ABCA13: variants seen among roughly 807,000 people sequenced by gnomAD.
The protein encoded by ABCA13 is ATP binding cassette subfamily A member 13.
A neutral mutation model predicts 478.7 loss-of-function variants in ABCA13; 476 were observed. That is an observed-to-expected ratio of 0.99 (90% CI 0.92 to 1.07). The LOEUF (loss-of-function observed/expected upper bound fraction) is 1.07, where lower values mean the gene tolerates loss of function less well. Ranked by LOEUF, ABCA13 falls within the 50% of genes least tolerant of loss-of-function variation. ABCA13 has a pLI of 0.00. For synonymous variants in ABCA13, 2,252 were observed against 2,158.9 expected (o/e 1.04, Z -1.20); for missense variants, 6,060 against 5,910.6 (o/e 1.03, Z -0.83).
chr7:48,239,991 T>G (rs780894303), intron 9 of ABCA13, among the ~76,000 whole-genome samples: 6 of 152,234 alleles, frequency 3.9e-5, no homozygotes, highest in African/African-American at 1.4e-4. Flanking sequence ...TTTGCGCTTC[T>G]TGGGGAGGTT....
intron 35 of ABCA13, among the ~76,000 whole-genome samples, chr7:48,385,289 C>G (rs1045915214): frequency 6.6e-6 from 1 of 152,152 alleles, no homozygotes; most frequent in African/African-American, 2.4e-5. Flanking sequence ...CCTCTCCCTT[C>G]TCTCACCCTT....
chr7:48,637,395 A>C (rs932405359), intron 59 of ABCA13, among the ~76,000 whole-genome samples: 5 of 148,382 alleles, frequency 3.4e-5, no homozygotes, highest in East Asian at 4.0e-4. Context: ...AAAAAAAAAA[A>C]AAAAAAAAAA....
intron 45 of ABCA13, among the ~76,000 whole-genome samples, chr7:48,474,806 A>G (rs576045270): frequency 4.5e-4 from 69 of 152,282 alleles, no homozygotes; most frequent in African/African-American, 1.5e-3. Flanking sequence ...TCATTCTATT[A>G]TAGTAGTGGC....
intron 55 of ABCA13, among the ~76,000 whole-genome samples, chr7:48,561,374 G>T (rs1444628530): frequency 2.0e-5 from 3 of 151,956 alleles, no homozygotes; most frequent in South Asian, 2.1e-4. Context: ...TAGCATGTAA[G>T]GGTTCCCTTT....
In ABCA13 at chr7:48,539,134, AC is replaced by A. The variant is rs1365119235; in HGVS notation, c.14354+10790del. On this transcript the variant is annotated intron_variant, in intron 55 of 61. Coordinates refer to ENST00000435803, the MANE Select transcript of ABCA13 (RefSeq NM_152701.5). ...GGTGGCTCATGCCTGTAATCCTAGC[AC>A]TTTGGGAGGCTGTGGCGGGCGAATT... Among the ~76,000 whole-genome samples, 7 of 152,124 alleles carry A rather than the reference AC, an allele frequency of 4.6e-5. No individual in the cohort carries two copies. The East Asian group carries it at 1.3e-3, about 29-fold the overall frequency.
intron 6 of ABCA13, 26 bp downstream of exon 6, chr7:48,227,451 A>G (rs1277100435): frequency 2.5e-6 from 4 of 1,610,224 alleles, no homozygotes; most frequent in Middle Eastern, 1.7e-4. Context: ...AAACATAACT[A>G]AGTATCAATA....
chr7:48,435,558 A>G (rs1302980103), intron 42 of ABCA13, among the ~76,000 whole-genome samples: 1 of 151,796 alleles, frequency 6.6e-6, no homozygotes, highest in African/African-American at 2.4e-5. Context: ...TATCTTGAAT[A>G]GAAGTGGTGA....
chr7:48,487,083 G>A (rs1292162802), intron 47 of ABCA13, among the ~76,000 whole-genome samples: 4 of 151,976 alleles, frequency 2.6e-5, no homozygotes, highest in African/African-American at 9.7e-5. Context: ...GTCCAAAGTG[G>A]GCGGATCACC....
chr7:48,178,991 T>C lies in ABCA13; in HGVS notation c.69+7439T>C, dbSNP rs866235320. 4.9e-4 allele frequency among the ~76,000 whole-genome samples: 72 copies of C among 147,168 alleles called. 1 individual carries two copies. Among genetic ancestry groups the C allele is most frequent in the South Asian group, 1.5e-3 (7 of 4,700 alleles). On this transcript the variant is annotated intron_variant, in intron 1 of 61. Coordinates refer to ENST00000435803, the MANE Select transcript of ABCA13 (RefSeq NM_152701.5). ...AAACAAAAACTAATAATAATAATAA[T>C]AATAATAATAATAATAATAATAATA...
intron 5 of ABCA13, among the ~76,000 whole-genome samples, chr7:48,225,193 T>TTCCTTCC (rs1788034954): frequency 1.3e-5 from 1 of 79,380 alleles, no homozygotes. Context: ...TCCTTCCTTC[T>TTCCTTCC]TTGCTTCCTT....
chr7:48,515,189 A>G (rs917095353), intron 51 of ABCA13, among the ~76,000 whole-genome samples: 5 of 152,220 alleles, frequency 3.3e-5, no homozygotes, highest in Admixed American at 6.5e-5. Context: ...GGTTAATCCA[A>G]TTATTCACCA....
At chr7:48,422,548 AT>A (rs796635035) in intron 41 of ABCA13, among the ~76,000 whole-genome samples, 2 of 152,006 alleles carry the variant, frequency 1.3e-5, no homozygotes, top group East Asian at 3.9e-4. Context: ...CAGACATTGA[AT>A]TTTTTTTCAT....
chr7:48,256,833 T>A (rs1249582149), intron 15 of ABCA13, among the ~76,000 whole-genome samples: 1 of 152,166 alleles, frequency 6.6e-6, no homozygotes, highest in Non-Finnish European at 1.5e-5. Flanking sequence ...TTTAAAATAG[T>A]TTTTTCAAAT....
At position 48,433,285 on chromosome 7, in the gene ABCA13, G is replaced by T. The variant is rs1158979495; in HGVS notation, c.12565+5414G>T. On this transcript the variant is annotated intron_variant, in intron 42 of 61. Coordinates refer to ENST00000435803, the MANE Select transcript of ABCA13 (RefSeq NM_152701.5). The stretch of plus-strand genomic sequence containing the variant: ...CCCCCTTGAGATCTTTGGTAGATTT[G>T]CACTATGTGAATTTTAGCAACTGAA... Among the ~76,000 whole-genome samples, 3 of 151,582 alleles carry T rather than the reference G, an allele frequency of 2.0e-5. No individual in the cohort carries two copies. The East Asian group carries it at 5.8e-4, about 29-fold the overall frequency.
chr7:48,258,156 T>G (rs1314441387), intron 15 of ABCA13, among the ~76,000 whole-genome samples: 1 of 152,224 alleles, frequency 6.6e-6, no homozygotes, highest in Non-Finnish European at 1.5e-5. Flanking sequence ...ACTCCTGGAC[T>G]CAAGTAATCC....
intron 15 of ABCA13, among the ~76,000 whole-genome samples, chr7:48,250,017 A>G (rs1554379144): frequency 6.6e-6 from 1 of 152,190 alleles, no homozygotes; most frequent in Non-Finnish European, 1.5e-5. Flanking sequence ...CTTCTGATCA[A>G]TTGGGTATAA....
Position 48,248,353 on chromosome 7 carries a change from T to C in ABCA13, c.1774T>C (p.Cys592Arg). 1 of 1,613,838 alleles carries C rather than the reference T, an allele frequency of 6.2e-7. No homozygotes were observed. Among genetic ancestry groups the C allele is most frequent in the Non-Finnish European group, 8.5e-7 (1 of 1,179,762 alleles). The change falls in exon 14 of 62, where the codon TGT (cysteine) becomes CGT (arginine). Residue 592 changes from cysteine (C) to arginine (R), a missense_variant. By Grantham distance (180) the Cys-to-Arg change is radical. Around this residue, in one of 3 missense-constraint regions of ABCA13, gnomAD observed 4,423 missense variants for 4,309.1 expected, o/e 1.03. Coordinates refer to ENST00000435803, the MANE Select transcript of ABCA13 (RefSeq NM_152701.5). ...EMQLSEASLS[C>R]TRLFLLLGAD... is the part of the protein sequence containing the mutation. The stretch of plus-strand genomic sequence containing the variant: ...GCAGCTGTCAGAAGCAAGCCTTTCC[T>C]GTACTCGGCTCTTCCTGCTGCTGGG...
chr7:48,454,588 G>C (rs1376847301), intron 42 of ABCA13, among the ~76,000 whole-genome samples: 1 of 152,094 alleles, frequency 6.6e-6, no homozygotes, highest in Non-Finnish European at 1.5e-5. Flanking sequence ...GGGAGGAGCG[G>C]GGGCGGGGTG....
chr7:48,303,751 G>C (rs1334472234), intron 23 of ABCA13, among the ~76,000 whole-genome samples: 1 of 151,992 alleles, frequency 6.6e-6, no homozygotes, highest in African/African-American at 2.4e-5. Flanking sequence ...ATTCTTTCAA[G>C]GTGTTTTTTG....
Sources: gnomAD v4.1 joint callset for allele counts (sites outside exome capture counted in the v4.1 genomes callset) on GRCh38, gnomAD v4.1.1 for gene constraint, gnomAD v4.1.1 regional missense constraint, MANE v1.5 for transcripts, NCBI Gene and HGNC (gene_info 2026-07-23, HGNC 2026-07-21) for gene names.